The following ATXN3 variants were observed in gnomAD, a reference collection of about 807,000 sequenced individuals.
ATXN3 encodes ataxin 3.
A neutral mutation model predicts 58.2 loss-of-function variants in ATXN3; 28 were observed. That is an observed-to-expected ratio of 0.48 (90% CI 0.36 to 0.66). The LOEUF (loss-of-function observed/expected upper bound fraction) is 0.66, where lower values mean the gene tolerates loss of function less well. ATXN3 is among the 30% of genes least tolerant of loss of function. ATXN3 has a pLI of 0.00. For synonymous variants in ATXN3, 113 were observed against 138.5 expected (o/e 0.82, Z 1.29); for missense variants, 321 against 422.1 (o/e 0.76, Z 2.10).
intron 9 of ATXN3, among the ~76,000 whole-genome samples, chr14:92,076,704 C>A (rs919241880): frequency 2.6e-5 from 4 of 151,848 alleles, no homozygotes; most frequent in African/African-American, 9.7e-5. Context: ...CTTTGGGAGG[C>A]CGAGGTAGGC....
At chr14:92,071,431 A>G (rs2059432332) in intron 9 of ATXN3, 1 of 357,424 alleles carries the variant, frequency 2.8e-6, no homozygotes. Flanking sequence ...CCCCATCTCT[A>G]CTAAAAATAC....
At chr14:92,051,019 A>C (rs1053945111), upstream of ATXN3, among the ~76,000 whole-genome samples, 10 of 152,244 alleles carry the variant, frequency 6.6e-5, no homozygotes, top group Admixed American at 6.5e-4. Context: ...TACTTTTCTG[A>C]ATTTCTAAGC....
chr14:92,085,113 T>C lies in ATXN3; in HGVS notation c.476-1855A>G, dbSNP rs571968161. Among the ~76,000 whole-genome samples the C allele has an allele frequency of 7.2e-5, 11 of 152,252 alleles. No individual in the cohort carries two copies. The South Asian group carries it at 2.3e-3, about 32-fold the overall frequency. ...TCACCATGGTATTCTATGAAGAGTG[T>C]CTGAAGAATGGATACTCTGCCCTGT... On this transcript the variant is annotated intron_variant, in intron 6 of 10. Coordinates refer to ENST00000644486, the MANE Select transcript of ATXN3 (RefSeq NM_004993.6).
In ATXN3 at chr14:92,063,412, T is replaced by C. The variant is rs1468095141; in HGVS notation, c.*908A>G. ...ATTCATGGTGGGTACGTATGTTTAG[T>C]CTTCTAACAGAAGGAGACTTGCCTG... is the stretch of plus-strand genomic sequence containing the variant. On this transcript the variant is annotated 3_prime_UTR_variant, in exon 11 of 11. Transcript: ENST00000644486. 2.0e-5 allele frequency: 3 copies of C among 152,192 alleles called. No homozygotes were observed. The East Asian group carries it at 5.8e-4, about 29-fold the overall frequency. The allele number at this position is 152,192 out of a possible 1,614,324, so 9.4% of individuals were successfully genotyped here.
chr14:92,091,527 G>T (rs1357527800), intron 5 of ATXN3, among the ~76,000 whole-genome samples: 1 of 151,864 alleles, frequency 6.6e-6, no homozygotes, highest in Admixed American at 6.6e-5. Context: ...TTTGATTTGG[G>T]TGACTTAAAA....
chr14:92,094,092 G>A (rs914488075), intron 3 of ATXN3, among the ~76,000 whole-genome samples: 3 of 151,718 alleles, frequency 2.0e-5, no homozygotes, highest in Non-Finnish European at 4.4e-5. Flanking sequence ...ACAAGCACAC[G>A]CCACCACACC....
chr14:92,071,276 T>A (rs1474355941), intron 9 of ATXN3: 2 of 784,516 alleles, frequency 2.5e-6, no homozygotes, highest in African/African-American at 1.7e-5. Context: ...TCAGACAAAT[T>A]AAGAGGTAGG....
In ATXN3 at chr14:92,058,622, T is replaced by C. The variant is rs941308642; in HGVS notation, c.*5698A>G. The C allele has an allele frequency of 7.9e-5, 12 of 152,222 alleles. No individual in the cohort carries two copies. Among genetic ancestry groups the C allele is most frequent in the Non-Finnish European group, 1.8e-4 (12 of 68,044 alleles). The allele number at this position is 152,222 out of a possible 1,614,324, so 9.4% of individuals were successfully genotyped here. A position where few individuals can be genotyped will look rare whatever the true frequency, so the allele number is the denominator to read the frequency against. On this transcript the variant is annotated 3_prime_UTR_variant, in exon 11 of 11. Transcript: ENST00000644486. Reference sequence around the variant, plus strand: ...AATACAACTCATTGAACATCCACACTAACAACAGAATCCTGTGTTCAACAG... The same window carrying C: ...AATACAACTCATTGAACATCCACACCAACAACAGAATCCTGTGTTCAACAG...
chr14:92,093,472 G>A (rs903093866), intron 4 of ATXN3, 154 bp from the exon 5 acceptor site: 27 of 622,690 alleles, frequency 4.3e-5, no homozygotes, highest in Middle Eastern at 4.4e-4. Flanking sequence ...CCATATGAAC[G>A]TCTCTGCAGC....
chr14:92,051,278 C>T (rs2057446829), upstream of ATXN3, among the ~76,000 whole-genome samples: 1 of 152,122 alleles, frequency 6.6e-6, no homozygotes, highest in African/African-American at 2.4e-5. Context: ...ACCTTTTGTT[C>T]TTCCTGAAGT....
chr14:92,058,079 A>C (rs1198534464), downstream of ATXN3, among the ~76,000 whole-genome samples: 1 of 152,186 alleles, frequency 6.6e-6, no homozygotes, highest in Non-Finnish European at 1.5e-5. Flanking sequence ...CTTGGAAAAG[A>C]CTGAGGATCC....
intron 10 of ATXN3, among the ~76,000 whole-genome samples, chr14:92,069,965 A>G (rs2059151740): frequency 6.6e-6 from 1 of 152,074 alleles, no homozygotes; most frequent in Non-Finnish European, 1.5e-5. Context: ...CCCTGTGACT[A>G]GTGATGCTGA....
At chr14:92,051,426 T>A (rs1381821597), upstream of ATXN3, among the ~76,000 whole-genome samples, 1 of 152,186 alleles carries the variant, frequency 6.6e-6, no homozygotes, top group Non-Finnish European at 1.5e-5. Flanking sequence ...CTCAGTTCGC[T>A]CTACCCAGGA....
chr14:92,096,559 G>C (rs1343423882), intron 2 of ATXN3, 115 bp downstream of exon 2: 3 of 1,081,090 alleles, frequency 2.8e-6, no homozygotes, highest in Middle Eastern at 3.0e-4. Flanking sequence ...GGGAGGCAGA[G>C]GTTGCAGTGA....
rs1215292191 is a variant in ATXN3, at chr14:92,063,322, G to C, written c.*998C>G. The stretch of plus-strand genomic sequence containing the variant: ...ACTGTAAAGAGAACACAAAGCTCCA[G>C]TCATAGGAGAAAAAATAAAATAAAA... On this transcript the variant is annotated 3_prime_UTR_variant, in exon 11 of 11. Transcript: ENST00000644486. 6.6e-6 allele frequency: 1 copy of C among 152,246 alleles called. No individual in the cohort carries two copies. The highest frequency in any genetic ancestry group is 1.5e-5 in the Non-Finnish European group (1 of 68,022). The allele number at this position is 152,246 out of a possible 1,614,324, so 9.4% of individuals were successfully genotyped here. A position where few individuals can be genotyped will look rare whatever the true frequency, so the allele number is the denominator to read the frequency against.
chr14:92,096,469 A>T (rs904600292), intron 2 of ATXN3: 6 of 778,940 alleles, frequency 7.7e-6, no homozygotes, highest in African/African-American at 1.8e-5. Context: ...ACAAAGATAC[A>T]AAAAATTAGC....
At chr14:92,104,572 A>G (rs1324526336) in intron 1 of ATXN3, among the ~76,000 whole-genome samples, 1 of 152,198 alleles carries the variant, frequency 6.6e-6, no homozygotes, top group East Asian at 1.9e-4. Flanking sequence ...AGTAGTGTGG[A>G]ACATGTTTAA....
intron 10 of ATXN3, among the ~76,000 whole-genome samples, chr14:92,065,018 G>A (rs55851933): frequency 2.0e-5 from 3 of 152,136 alleles, no homozygotes; most frequent in Non-Finnish European, 4.4e-5. Context: ...TTTATCACAC[G>A]TGTATTCATG....
chr14:92,081,465 C>CAAAAAA (rs58398762), intron 8 of ATXN3, among the ~76,000 whole-genome samples: 18 of 82,932 alleles, frequency 2.2e-4, no homozygotes, highest in Admixed American at 6.6e-4. Flanking sequence ...GACTCTGACT[C>CAAAAAA]AAAAAAAAAA....
Sources: allele counts gnomAD v4.1 joint callset (sites outside exome capture counted in the v4.1 genomes callset), GRCh38; gene constraint gnomAD v4.1.1; transcripts MANE v1.5; gene names NCBI Gene and HGNC (gene_info 2026-07-23, HGNC 2026-07-21).